DARS1: variants seen among roughly 807,000 people sequenced by gnomAD.
DARS1 encodes the protein aspartate--tRNA ligase, cytoplasmic.
In DARS1, 51 loss-of-function variants were observed where a neutral mutation model predicts 68.8. The ratio of observed to expected loss-of-function variants is 0.74; its 90% CI spans 0.59 to 0.94. The LOEUF is 0.94. DARS1 is among the 40% of genes least tolerant of loss of function. The pLI, the probability that DARS1 is intolerant of heterozygous loss-of-function variation, is 0.00. For missense variants in DARS1, 607 were observed against 597.3 expected (o/e 1.02, Z -0.17); for synonymous variants, 203 against 190.4 (o/e 1.07, Z -0.55).
intron 4 of DARS1, among the ~76,000 whole-genome samples, chr2:135,955,418 A>AG (rs1239083760): frequency 6.6e-6 from 1 of 152,074 alleles, no homozygotes; most frequent in East Asian, 1.9e-4. Flanking sequence ...AATCTTTGCA[A>AG]GGGGGGTGAA....
At chr2:135,940,875 C>CA (rs1342691716) in intron 5 of DARS1, among the ~76,000 whole-genome samples, 1 of 152,124 alleles carries the variant, frequency 6.6e-6, no homozygotes, top group African/African-American at 2.4e-5. Flanking sequence ...AACAAACAAA[C>CA]AGAGAGCCAA....
At chr2:135,970,055 T>C (rs1682330782) in intron 3 of DARS1, among the ~76,000 whole-genome samples, 1 of 152,052 alleles carries the variant, frequency 6.6e-6, no homozygotes, top group Non-Finnish European at 1.5e-5. Flanking sequence ...TTAGAAACAT[T>C]TGAGAACCAT....
intron 13 of DARS1, among the ~76,000 whole-genome samples, chr2:135,912,061 T>G (rs1043496122): frequency 1.1e-4 from 16 of 152,154 alleles, no homozygotes; most frequent in African/African-American, 3.9e-4. Context: ...GTGATTCTGA[T>G]GCATGGTAAA....
chr2:135,933,429 T>C (rs1192723298), intron 6 of DARS1, among the ~76,000 whole-genome samples: 2 of 152,194 alleles, frequency 1.3e-5, no homozygotes, highest in African/African-American at 4.8e-5. Flanking sequence ...TCACAAAGAA[T>C]TGTGGTTATA....
intron 15 of DARS1, among the ~76,000 whole-genome samples, chr2:135,908,754 T>C (rs887453093): frequency 1.3e-5 from 2 of 152,216 alleles, no homozygotes; most frequent in African/African-American, 4.8e-5. Flanking sequence ...CACTTTTTAA[T>C]GGGGTTGTTT....
chr2:135,906,281 G>A lies in DARS1; in HGVS notation c.*1035C>T, dbSNP rs1290798885. ...TATGTTTTGTTCCTCCCCAATATTTGTGGTCATGTAAAATTAACATTAGCA... is the reference window on the plus strand; with the variant it reads ...TATGTTTTGTTCCTCCCCAATATTTATGGTCATGTAAAATTAACATTAGCA... On this transcript the variant is annotated 3_prime_UTR_variant, in exon 16 of 16. Coordinates refer to ENST00000264161, the MANE Select transcript of DARS1 (RefSeq NM_001349.4). Among the ~76,000 whole-genome samples the A allele has an allele frequency of 1.3e-5, 2 of 151,820 alleles. No homozygotes were observed. The highest frequency in any genetic ancestry group is 2.9e-5 in the Non-Finnish European group (2 of 67,970).
intron 7 of DARS1, among the ~76,000 whole-genome samples, chr2:135,930,044 C>T (rs930908034): frequency 3.3e-5 from 5 of 151,428 alleles, no homozygotes; most frequent in Non-Finnish European, 2.9e-5. Flanking sequence ...ACAGTCTGTC[C>T]AAGAGAAAAG....
intron 5 of DARS1, among the ~76,000 whole-genome samples, chr2:135,942,157 T>A (rs1681616513): frequency 6.6e-6 from 1 of 152,162 alleles, no homozygotes; most frequent in South Asian, 2.1e-4. Context: ...TTACTGGGTA[T>A]ATACCCAAAG....
At chr2:135,954,284 T>G (rs1280382197) in intron 4 of DARS1, among the ~76,000 whole-genome samples, 1 of 145,794 alleles carries the variant, frequency 6.9e-6, no homozygotes, top group Non-Finnish European at 1.5e-5. Context: ...ACATCTCGAT[T>G]TCCTCACCTG....
At chr2:135,940,274 A>T (rs1681566702) in intron 5 of DARS1, among the ~76,000 whole-genome samples, 1 of 152,252 alleles carries the variant, frequency 6.6e-6, no homozygotes, top group Non-Finnish European at 1.5e-5. Flanking sequence ...AATACTGGCA[A>T]AACAAATCCA....
At chr2:135,942,769 T>TC (rs1349072142) in intron 5 of DARS1, among the ~76,000 whole-genome samples, 1 of 152,220 alleles carries the variant, frequency 6.6e-6, no homozygotes, top group East Asian at 1.9e-4. Context: ...GAGTAGTTTT[T>TC]CAGATGTGTT....
intron 3 of DARS1, among the ~76,000 whole-genome samples, chr2:135,971,317 TCAA>T (rs1398011492): frequency 6.6e-6 from 1 of 152,098 alleles, no homozygotes; most frequent in Non-Finnish European, 1.5e-5. Context: ...ATACATTGTA[TCAA>T]CAGGATGAAG....
rs2104833993 is a variant in DARS1 at position 135,961,409 on chromosome 2, T to C, written c.307A>G (p.Lys103Glu). 7.1e-7 allele frequency: 1 copy of C among 1,414,248 alleles called. No homozygotes were observed. Among genetic ancestry groups the C allele is most frequent in the Non-Finnish European group, 1.0e-6 (1 of 997,182 alleles). The allele number at this position is 1,414,248 out of a possible 1,614,324, so 87.6% of individuals were successfully genotyped here. A position where few individuals can be genotyped will look rare whatever the true frequency, so the allele number is the denominator to read the frequency against. The change falls in exon 4 of 16, where the codon AAA becomes GAA. Residue 103 changes from lysine (K) to glutamate (E), a missense_variant. By Grantham distance (56) the Lys-to-Glu change is moderately conservative. Transcript: ENST00000264161. ...TTGCTTACTTACTTGGCAGCAAATT[T>C]AACCATCTGCTTGCTTGCATGGTCT... Reference protein sequence around the residue: ...VGDHASKQMVKFAANINKESI... With the variant: ...VGDHASKQMVEFAANINKESI...
In DARS1 at chr2:135,911,192, G is replaced by T; in HGVS notation, c.1361C>A (p.Ala454Asp). The T allele has an allele frequency of 1.3e-6, 2 of 1,539,208 alleles. No homozygotes were observed. The highest frequency in any genetic ancestry group is 1.8e-6 in the Non-Finnish European group (2 of 1,112,504). Residue 454 changes from alanine (A) to aspartate (D), a missense_variant, in exon 15 of 16, where the codon GCT (alanine) becomes GAT (aspartate). Transcript: ENST00000264161. ...TCCAAAGCGGAAGGAATCAATGTAA[G>T]CCTTAATTTTCTCCAAATCTGCAAA... The part of the protein sequence containing the change: ...HHGIDLEKIK[A>D]YIDSFRFGAP...
chr2:135,959,299 C>T (rs1682045734), intron 4 of DARS1, among the ~76,000 whole-genome samples: 1 of 142,924 alleles, frequency 7.0e-6, no homozygotes, highest in Admixed American at 7.5e-5. Flanking sequence ...GAGGCTGAGG[C>T]AGGAGAATTG....
chr2:135,976,582 T>C (rs1286319990), intron 3 of DARS1, among the ~76,000 whole-genome samples: 1 of 151,996 alleles, frequency 6.6e-6, no homozygotes, highest in Non-Finnish European at 1.5e-5. Flanking sequence ...GCACTATCAA[T>C]TAAGAGACTA....
intron 4 of DARS1, among the ~76,000 whole-genome samples, chr2:135,945,737 C>G (rs1363514673): frequency 2.6e-5 from 4 of 152,202 alleles, no homozygotes; most frequent in Admixed American, 2.0e-4. Context: ...AAATTAACTT[C>G]TGAAACCACA....
chr2:135,968,729 T>G (rs1682295489), intron 3 of DARS1, among the ~76,000 whole-genome samples: 1 of 150,260 alleles, frequency 6.7e-6, no homozygotes, highest in Non-Finnish European at 1.5e-5. Flanking sequence ...TGGTGCGATC[T>G]CAGCTCACTG....
At chr2:135,972,640 C>T (rs1370269976) in intron 3 of DARS1, among the ~76,000 whole-genome samples, 1 of 152,130 alleles carries the variant, frequency 6.6e-6, no homozygotes, top group Non-Finnish European at 1.5e-5. Flanking sequence ...GAAGAGACAA[C>T]CCACAGAATG....
Sources: gnomAD v4.1 joint callset for allele counts (sites outside exome capture counted in the v4.1 genomes callset) on GRCh38, gnomAD v4.1.1 for gene constraint, MANE v1.5 for transcripts, NCBI Gene and HGNC (gene_info 2026-07-23, HGNC 2026-07-21) for gene names.